ATP5PF: variants seen among roughly 807,000 people sequenced by gnomAD.
ATP5PF encodes ATP synthase peripheral stalk subunit F6, mitochondrial.
ATP5PF carries 7 observed loss-of-function variants against 12.0 expected under a neutral mutation model. The ratio of observed to expected loss-of-function variants is 0.58; its 90% CI spans 0.33 to 1.10. ATP5PF has a LOEUF of 1.10. Ranked by LOEUF, ATP5PF falls within the 50% of genes least tolerant of loss-of-function variation. ATP5PF has a pLI of 0.03. For synonymous variants in ATP5PF, 41 were observed against 45.4 expected (o/e 0.90, Z 0.39); for missense variants, 120 against 127.7 (o/e 0.94, Z 0.29).
intron 1 of ATP5PF, among the ~76,000 whole-genome samples, chr21:25,733,159 CA>C (rs1371062831): frequency 1.3e-5 from 2 of 152,084 alleles, no homozygotes; most frequent in Non-Finnish European, 2.9e-5. Context: ...AAGCAAACAA[CA>C]AATGACCTCA....
rs746509917 is a variant in ATP5PF at position 25,729,727 on chromosome 21, C to T, written c.68G>A (p.Arg23Lys). The change falls in exon 2 of 4, where the codon AGG becomes AAG. Residue 23 changes from arginine (R) to lysine (K), a missense_variant. Coordinates refer to ENST00000284971, the MANE Select transcript of ATP5PF (RefSeq NM_001003703.2). Reference protein sequence around the residue: ...IRSAVSVHLRRNIGVTAVAFN... With the variant: ...IRSAVSVHLRKNIGVTAVAFN... ...TGCCACTGCTGTAACACCAATGTTC[C>T]TCCGCAAATGGACTGAGACGGCTGA... The T allele has an allele frequency of 7.4e-6, 12 of 1,613,758 alleles. No individual in the cohort carries two copies. The East Asian group carries it at 2.0e-4, about 27-fold the overall frequency.
In ATP5PF at chr21:25,724,683, A is replaced by T; in HGVS notation, c.290-6T>A. 1 of 1,596,742 alleles carries T rather than the reference A, an allele frequency of 6.3e-7. No individual in the cohort carries two copies. Among genetic ancestry groups the T allele is most frequent in the Non-Finnish European group, 8.5e-7 (1 of 1,175,750 alleles). ...GATGACTTCAAATTTGGGATCTAAG[A>T]AGAGGGGGAAAAAAGGGTCAAGCTT... is the stretch of plus-strand genomic sequence containing the variant. On this transcript the variant is annotated splice_region_variant and splice_polypyrimidine_tract_variant and intron_variant, in intron 3 of 3. Transcript: ENST00000284971.
At chr21:25,735,360 CG>C (rs959654867), upstream of ATP5PF, 1 of 217,666 alleles carries the variant, frequency 4.6e-6, no homozygotes, top group African/African-American at 2.3e-5. Flanking sequence ...CGCACCCTGC[CG>C]GGAGTTGTAG....
intron 1 of ATP5PF, among the ~76,000 whole-genome samples, chr21:25,731,476 C>T (rs73338267): frequency 0.011 from 1,734 of 151,954 alleles, 36 homozygotes; most frequent in African/African-American, 0.039. Context: ...CCTCAGCCTC[C>T]TGGACTCATG....
chr21:25,734,695 T>C (rs2034948406), intron 1 of ATP5PF, 158 bp downstream of exon 1: 2 of 704,936 alleles, frequency 2.8e-6, no homozygotes, highest in East Asian at 2.8e-5. Context: ...TCTACAAACG[T>C]AGAGGTCAGC....
intron 1 of ATP5PF, among the ~76,000 whole-genome samples, chr21:25,731,698 T>A (rs972333501): frequency 8.5e-5 from 13 of 152,146 alleles, no homozygotes; most frequent in Non-Finnish European, 1.8e-4. Flanking sequence ...ACTGTCATCA[T>A]CACATTGACA....
upstream of ATP5PF, chr21:25,735,294 G>C (rs1343858082): frequency 2.7e-6 from 1 of 366,978 alleles, no homozygotes; most frequent in Non-Finnish European, 5.1e-6. Context: ...AAGCGGATTG[G>C]GGCGTTGTGC....
intron 1 of ATP5PF, among the ~76,000 whole-genome samples, chr21:25,732,787 C>T (rs2034821185): frequency 6.6e-6 from 1 of 151,784 alleles, no homozygotes; most frequent in Non-Finnish European, 1.5e-5. Flanking sequence ...GATTCAAGAT[C>T]AGCCTGACCA....
chr21:25,730,764 A>AAAAAAAAAAAAAAAAAAAAACAC (rs2034749958), intron 1 of ATP5PF, among the ~76,000 whole-genome samples: 1 of 136,424 alleles, frequency 7.3e-6, no homozygotes, highest in African/African-American at 2.8e-5. Flanking sequence ...AAAAAAAAAA[A>AAAAAAAAAAAAAAAAAAAAACAC]AAAAAAAAAA....
chr21:25,732,165 T>C (rs2034799813), intron 1 of ATP5PF, among the ~76,000 whole-genome samples: 1 of 152,156 alleles, frequency 6.6e-6, no homozygotes, highest in Non-Finnish European at 1.5e-5. Flanking sequence ...TCTGGCAATG[T>C]CTTTAGACAT....
Position 25,731,312 on chromosome 21 carries a change from G to T in ATP5PF, c.-7-1511C>A, listed in dbSNP as rs116696614. 4.9e-3 allele frequency among the ~76,000 whole-genome samples: 744 copies of T among 152,212 alleles called. 7 individuals are homozygous for T. Among genetic ancestry groups the T allele is most frequent in the African/African-American group, 0.017 (701 of 41,542 alleles). On this transcript the variant is annotated intron_variant, in intron 1 of 3. Transcript: ENST00000284971. ...TAGAATACATTTTTCTCAGATTAAG[G>T]CCGAGTCTATAAACTGACAGGGCTT...
chr21:25,724,544 ATT>A lies in ATP5PF; in HGVS notation c.*94_*95del. The A allele has an allele frequency of 7.5e-7, 1 of 1,340,974 alleles. No homozygotes were observed. The allele number at this position is 1,340,974 out of a possible 1,614,324, so 83.1% of individuals were successfully genotyped here. On this transcript the variant is annotated 3_prime_UTR_variant, in exon 4 of 4. Transcript: ENST00000284971. ...TATTTGGACTCAGAATTAAAAGAAC[ATT>A]TGACAGTTATGAAATGCATGTTTAT...
At chr21:25,734,573 C>A in intron 1 of ATP5PF, 1 of 437,810 alleles carries the variant, frequency 2.3e-6, no homozygotes. Flanking sequence ...TTGGGTTGCC[C>A]CAGCCAGGCT....
At chr21:25,725,930 G>T (rs1017686115) in intron 2 of ATP5PF, among the ~76,000 whole-genome samples, 2 of 152,118 alleles carry the variant, frequency 1.3e-5, no homozygotes. Context: ...AATTTCTCAG[G>T]GTCTAAGTTG....
At chr21:25,734,249 G>A in intron 1 of ATP5PF, 2 of 873,136 alleles carry the variant, frequency 2.3e-6, no homozygotes, top group Non-Finnish European at 2.7e-6. Context: ...GAAAGACTGG[G>A]GAAGGCAACA....
rs71183508 is a variant in ATP5PF, at chr21:25,730,736, C to CAAA, written c.-7-938_-7-936dup. On this transcript the variant is annotated intron_variant, in intron 1 of 3. Transcript: ENST00000284971. ...GCAACAAGAGCAAGACTCCGTCTCA[C>CAAA]AAAAAAAAAAAAAAAAAAAAAAAAA... is the stretch of plus-strand genomic sequence containing the variant. Among the ~76,000 whole-genome samples the CAAA allele has an allele frequency of 5.9e-3, 187 of 31,888 alleles. 35 individuals are homozygous for CAAA. The highest frequency in any genetic ancestry group is 0.01 in the Non-Finnish European group (146 of 14,380). The allele number at this position is 31,888 out of a possible 152,430, so 20.9% of individuals were successfully genotyped here. A position where few individuals can be genotyped will look rare whatever the true frequency, so the allele number is the denominator to read the frequency against.
chr21:25,734,739 G>A lies in ATP5PF; in HGVS notation c.-8+114C>T, dbSNP rs1347769309. The A allele has an allele frequency of 5.5e-6, 6 of 1,099,566 alleles. No individual in the cohort carries two copies. In the East Asian group the frequency reaches 7.8e-5, roughly 14 times the overall value. The allele number at this position is 1,099,566 out of a possible 1,614,324, so 68.1% of individuals were successfully genotyped here. On this transcript the variant is annotated intron_variant, in intron 1 of 3. Coordinates refer to ENST00000284971, the MANE Select transcript of ATP5PF (RefSeq NM_001003703.2). ...CGGGCCAGGCCGTGAAGGTCCCCAG[G>A]ACACAGAGCTGCTCTCTCCTCCTAG...
intron 2 of ATP5PF, 21 bp downstream of exon 2, chr21:25,729,610 T>C (rs1277798212): frequency 1.1e-5 from 17 of 1,578,380 alleles, no homozygotes; most frequent in Admixed American, 1.8e-5. Flanking sequence ...ATATTTACAC[T>C]GTAGTTATTT....
chr21:25,735,196 A>G, upstream of ATP5PF: 1 of 597,294 alleles, frequency 1.7e-6, no homozygotes, highest in Non-Finnish European at 3.0e-6. Context: ...CCTTTCCCCT[A>G]GTTCAAGCTC....
Sources: gnomAD v4.1 joint callset for allele counts (sites outside exome capture counted in the v4.1 genomes callset) on GRCh38, gnomAD v4.1.1 for gene constraint, MANE v1.5 for transcripts, NCBI Gene and HGNC (gene_info 2026-07-23, HGNC 2026-07-21) for gene names.